CACNA2D3: variants seen among roughly 807,000 people sequenced by gnomAD.
CACNA2D3 encodes voltage-dependent calcium channel subunit alpha-2/delta-3.
In CACNA2D3, 60 loss-of-function variants were observed where a neutral mutation model predicts 160.6. That is an observed-to-expected ratio of 0.37 (90% confidence interval 0.30 to 0.46). The LOEUF (loss-of-function observed/expected upper bound fraction) is 0.46, where lower values mean the gene tolerates loss of function less well. CACNA2D3 is among the 20% of genes least tolerant of loss of function. CACNA2D3 has a pLI of 1.00. For synonymous variants in CACNA2D3, 558 were observed against 492.9 expected (o/e 1.13, Z -1.75); for missense variants, 1,205 against 1,365.0 (o/e 0.88, Z 1.85).
intron 27 of CACNA2D3, chr3:54,918,655 T>C (rs780638154): frequency 6.2e-7 from 1 of 1,614,150 alleles, no homozygotes; most frequent in Admixed American, 1.7e-5. Context: ...ATGACGCAGG[T>C]TGGCCGGCCT....
Position 54,122,853 on chromosome 3 carries a change from C to T in CACNA2D3, c.122+18C>T. 1 of 1,224,676 alleles carries T rather than the reference C, an allele frequency of 8.2e-7. No homozygotes were observed. Among genetic ancestry groups the T allele is most frequent in the African/African-American group, 1.6e-5 (1 of 63,854 alleles). The allele number at this position is 1,224,676 out of a possible 1,614,324, so 75.9% of individuals were successfully genotyped here. On this transcript the variant is annotated intron_variant, in intron 1 of 37. Transcript: ENST00000474759. Reference sequence around the variant, plus strand: ...CTCTCCGTGTAAGTGCCGGCTCCTGCGCCGCCCGGGGAGGGGACCTTGCCG... The same window carrying T: ...CTCTCCGTGTAAGTGCCGGCTCCTGTGCCGCCCGGGGAGGGGACCTTGCCG...
At chr3:54,278,209 C>T (rs918949066) in intron 2 of CACNA2D3, among the ~76,000 whole-genome samples, 1 of 152,146 alleles carries the variant, frequency 6.6e-6, no homozygotes, top group African/African-American at 2.4e-5. Context: ...CAAAAGAAGA[C>T]ATTTATGCAG....
intron 13 of CACNA2D3, among the ~76,000 whole-genome samples, chr3:54,768,301 G>C (rs1025608779): frequency 6.6e-6 from 1 of 152,218 alleles, no homozygotes; most frequent in South Asian, 2.1e-4. Flanking sequence ...GACATTGTGT[G>C]CCTGCAGAGA....
chr3:54,563,948 G>A lies in CACNA2D3; in HGVS notation c.676+1017G>A, dbSNP rs561118021. Among the ~76,000 whole-genome samples, 8 of 152,234 alleles carry A rather than the reference G, an allele frequency of 5.3e-5. No individual in the cohort carries two copies. In the South Asian group the frequency reaches 8.3e-4, roughly 16 times the overall value. On this transcript the variant is annotated intron_variant, in intron 6 of 37. Transcript: ENST00000474759. ...AAGAGTCATGTTCAGCATGGCACAC[G>A]TGCTTCCTCCCGGAGCTCACAGAAA...
intron 11 of CACNA2D3, 79 bp downstream of exon 11, chr3:54,642,320 G>T: frequency 1.3e-6 from 1 of 765,082 alleles, no homozygotes; most frequent in South Asian, 2.1e-5. Context: ...CCATGAGTAA[G>T]TGCCTCATGT....
chr3:54,210,231 G>C (rs1701348324), intron 2 of CACNA2D3, among the ~76,000 whole-genome samples: 2 of 152,300 alleles, frequency 1.3e-5, no homozygotes, highest in Middle Eastern at 3.4e-3. Context: ...TCTGAGCTGT[G>C]ACTTTCTATC....
chr3:54,462,382 A>G (rs550597322), intron 4 of CACNA2D3, among the ~76,000 whole-genome samples: 3 of 152,236 alleles, frequency 2.0e-5, no homozygotes, highest in East Asian at 1.9e-4. Flanking sequence ...GGGTGTTAAC[A>G]TCTCCCATTA....
chr3:54,809,311 CTTTTT>C (rs1217898723), intron 13 of CACNA2D3, among the ~76,000 whole-genome samples: 2 of 80,734 alleles, frequency 2.5e-5, no homozygotes, highest in Middle Eastern at 6.1e-3. Context: ...TTCCTTCTTT[CTTTTT>C]TTTTTTTTTT....
chr3:54,752,567 G>A, intron 11 of CACNA2D3, 32 bp from the exon 12 acceptor site: 3 of 1,550,866 alleles, frequency 1.9e-6, no homozygotes, highest in Non-Finnish European at 2.7e-6. Flanking sequence ...AAAAGTGAAT[G>A]CCGCTCAGCC....
At chr3:54,859,972 G>GCGCAAACA (rs535185040) in intron 17 of CACNA2D3, among the ~76,000 whole-genome samples, 1 of 133,788 alleles carries the variant, frequency 7.5e-6, no homozygotes, top group Non-Finnish European at 1.6e-5. Flanking sequence ...GAAAGTAGAT[G>GCGCAAACA]CACACACACA....
chr3:54,950,714 C>T (rs1029603235), intron 27 of CACNA2D3, among the ~76,000 whole-genome samples: 6 of 152,100 alleles, frequency 3.9e-5, no homozygotes, highest in Non-Finnish European at 8.8e-5. Context: ...TTTTACTGCT[C>T]GGCTGTGAGA....
intron 3 of CACNA2D3, among the ~76,000 whole-genome samples, chr3:54,327,260 C>T (rs1356956122): frequency 3.9e-5 from 6 of 152,234 alleles, no homozygotes; most frequent in Non-Finnish European, 7.3e-5. Flanking sequence ...TTGTCCACCC[C>T]CTTGGGGGTA....
chr3:54,856,459 CT>C (rs1432140984), intron 17 of CACNA2D3, among the ~76,000 whole-genome samples: 3 of 152,140 alleles, frequency 2.0e-5, no homozygotes, highest in African/African-American at 7.2e-5. Context: ...TTCCTCCCAT[CT>C]TTCCCTCCCC....
chr3:54,925,789 T>C (rs1700997222), intron 27 of CACNA2D3, among the ~76,000 whole-genome samples: 1 of 152,194 alleles, frequency 6.6e-6, no homozygotes, highest in Non-Finnish European at 1.5e-5. Context: ...ATTTTAACTA[T>C]TTTAAACAAC....
At chr3:54,871,043 T>TACACACAC (rs58370850) in intron 17 of CACNA2D3, among the ~76,000 whole-genome samples, 57 of 143,044 alleles carry the variant, frequency 4.0e-4, no homozygotes, top group African/African-American at 1.3e-3. Flanking sequence ...AGCTTTGGGA[T>TACACACAC]ACACACACAC....
intron 11 of CACNA2D3, among the ~76,000 whole-genome samples, chr3:54,736,542 G>T (rs1047327980): frequency 6.6e-6 from 1 of 152,092 alleles, no homozygotes; most frequent in East Asian, 1.9e-4. Context: ...TCCACCAGCC[G>T]AAAGGATATT....
In CACNA2D3 at chr3:54,861,692, G is replaced by A. The variant is rs374308317; in HGVS notation, c.1627-9847G>A. Reference sequence around the variant, plus strand: ...TCACAGTGGCTGACACTAAGCTGACGGCAAGATTGATATGATCCAATTCCA... The same window carrying A: ...TCACAGTGGCTGACACTAAGCTGACAGCAAGATTGATATGATCCAATTCCA... On this transcript the variant is annotated intron_variant, in intron 17 of 37. Transcript: ENST00000474759. 3.4e-4 allele frequency among the ~76,000 whole-genome samples: 52 copies of A among 152,314 alleles called. No homozygotes were observed. The South Asian group carries it at 0.011, about 32-fold the overall frequency.
intron 2 of CACNA2D3, among the ~76,000 whole-genome samples, chr3:54,292,950 A>T (rs1703245883): frequency 6.6e-6 from 1 of 152,094 alleles, no homozygotes; most frequent in African/African-American, 2.4e-5. Context: ...AGATGAGTGA[A>T]TTAATAAAAT....
intron 10 of CACNA2D3, among the ~76,000 whole-genome samples, chr3:54,641,053 AAAAGC>A (rs1298163464): frequency 1.3e-5 from 2 of 152,114 alleles, no homozygotes; most frequent in Non-Finnish European, 2.9e-5. Context: ...AAAAAAAAAA[AAAAGC>A]CAAGCTCGAT....
Sources: gnomAD v4.1 joint callset for allele counts (sites outside exome capture counted in the v4.1 genomes callset) on GRCh38, gnomAD v4.1.1 for gene constraint, MANE v1.5 for transcripts, NCBI Gene and HGNC (gene_info 2026-07-23, HGNC 2026-07-21) for gene names.